Variants in ZBTB20 observed in about 807,000 individuals in gnomAD.
ZBTB20 encodes the protein zinc finger and BTB domain containing 20, also known as zinc finger and BTB domain-containing protein 20.
In ZBTB20, 9 loss-of-function variants were observed where a neutral mutation model predicts 56.9. The observed-to-expected ratio is 0.16, with a 90% CI of 0.10 to 0.28. The LOEUF (loss-of-function observed/expected upper bound fraction) is 0.28, where lower values mean the gene tolerates loss of function less well. Ranked by LOEUF, ZBTB20 falls within the 10% of genes least tolerant of loss-of-function variation. The probability of loss-of-function intolerance (pLI) is 1.00; values close to 1 mark genes in which losing one functional copy is unlikely to be tolerated. For missense variants in ZBTB20, 655 were observed against 1,003.0 expected (o/e 0.65, Z 4.69); for synonymous variants, 417 against 420.7 (o/e 0.99, Z 0.11).
intron 2 of ZBTB20, among the ~76,000 whole-genome samples, chr3:114,989,128 G>C (rs562764715): frequency 4.6e-5 from 7 of 152,172 alleles, no homozygotes; most frequent in African/African-American, 1.7e-4. Context: ...TGTTAATTTT[G>C]GCTTTTGTTG....
At chr3:115,107,496 A>G (rs908724755) in intron 1 of ZBTB20, among the ~76,000 whole-genome samples, 1 of 152,202 alleles carries the variant, frequency 6.6e-6, no homozygotes, top group Non-Finnish European at 1.5e-5. Context: ...AAAAGTCAAG[A>G]AACAACAGAT....
In ZBTB20 at chr3:114,940,484, T is replaced by C. The variant is rs1409028425; in HGVS notation, c.-456+33882A>G. Reference sequence around the variant, plus strand: ...TATTTACTTAAAAGAACTAGTTTCATAGATTGCTGTCATGCACCCTAATTA... The same window carrying C: ...TATTTACTTAAAAGAACTAGTTTCACAGATTGCTGTCATGCACCCTAATTA... On this transcript the variant is annotated intron_variant, in intron 3 of 11. Coordinates refer to ENST00000675478, the MANE Select transcript of ZBTB20 (RefSeq NM_001348800.3). Among the ~76,000 whole-genome samples the C allele has an allele frequency of 2.1e-5, 3 of 145,706 alleles. 1 individual carries two copies. Among genetic ancestry groups the C allele is most frequent in the African/African-American group, 8.4e-5 (3 of 35,548 alleles).
At chr3:114,976,626 CAA>C (rs759709889) in intron 2 of ZBTB20, among the ~76,000 whole-genome samples, 6 of 105,648 alleles carry the variant, frequency 5.7e-5, no homozygotes, top group Admixed American at 9.8e-5. Context: ...AACTCCGCCT[CAA>C]AAAAAAAAAA....
chr3:115,050,222 C>T (rs1001689082), intron 2 of ZBTB20, among the ~76,000 whole-genome samples: 1 of 151,400 alleles, frequency 6.6e-6, no homozygotes, highest in East Asian at 1.9e-4. Flanking sequence ...ATGTATGTGA[C>T]GAATATGAAT....
intron 4 of ZBTB20, among the ~76,000 whole-genome samples, chr3:114,889,857 A>G (rs952214076): frequency 5.3e-5 from 8 of 152,156 alleles, no homozygotes; most frequent in African/African-American, 1.9e-4. Flanking sequence ...GGTAGAAAAA[A>G]AAGGATCTAT....
intron 2 of ZBTB20, among the ~76,000 whole-genome samples, chr3:115,024,430 A>T (rs905870945): frequency 6.0e-5 from 9 of 150,966 alleles, no homozygotes; most frequent in Non-Finnish European, 1.0e-4. Flanking sequence ...GTACTCAGAG[A>T]CCTCTACGTT....
intron 4 of ZBTB20, among the ~76,000 whole-genome samples, chr3:114,855,163 G>A (rs2075187846): frequency 6.6e-6 from 1 of 152,156 alleles, no homozygotes; most frequent in African/African-American, 2.4e-5. Context: ...TATCCACTCT[G>A]CCTTAGCTTA....
chr3:114,769,456 C>T (rs2069022371), intron 5 of ZBTB20, among the ~76,000 whole-genome samples: 1 of 149,618 alleles, frequency 6.7e-6, no homozygotes, highest in Non-Finnish European at 1.5e-5. Flanking sequence ...GCATATGTAT[C>T]TATTTGCACC....
chr3:114,839,412 A>G (rs1176886745), intron 4 of ZBTB20, among the ~76,000 whole-genome samples: 1 of 139,656 alleles, frequency 7.2e-6, no homozygotes, highest in East Asian at 2.1e-4. Flanking sequence ...TGTCTGAAAG[A>G]AAGAAAGAAA....
intron 6 of ZBTB20, among the ~76,000 whole-genome samples, chr3:114,659,313 A>G (rs2060589781): frequency 1.3e-5 from 2 of 152,144 alleles, no homozygotes; most frequent in Non-Finnish European, 2.9e-5. Flanking sequence ...TGTACACATT[A>G]GGTAATATTT....
rs191318896 is a variant in ZBTB20 at position 114,548,755 on chromosome 3, G to C, written c.-294-48364C>G. Among the ~76,000 whole-genome samples the C allele has an allele frequency of 2.6e-3, 395 of 152,246 alleles. 1 individual carries two copies. Among genetic ancestry groups the C allele is most frequent in the Middle Eastern group, 0.014 (4 of 294 alleles). ...GCTGGTCTCAAATGCCTGGCCTCAA[G>C]TGATCCACCTGCCTCAGCCTCCTAA... On this transcript the variant is annotated intron_variant, in intron 6 of 11. Transcript: ENST00000675478.
intron 6 of ZBTB20, among the ~76,000 whole-genome samples, chr3:114,563,745 C>A (rs1445170110): frequency 6.6e-6 from 1 of 152,142 alleles, no homozygotes; most frequent in South Asian, 2.1e-4. Flanking sequence ...CATATCATAG[C>A]AGGTATACCT....
chr3:115,123,343 T>G (rs562557038), intron 1 of ZBTB20, among the ~76,000 whole-genome samples: 1 of 152,312 alleles, frequency 6.6e-6, no homozygotes, highest in South Asian at 2.1e-4. Flanking sequence ...TTGAAGATGT[T>G]CTAATGTATG....
chr3:114,371,414 G>A (rs755661169), intron 10 of ZBTB20, among the ~76,000 whole-genome samples: 19 of 152,148 alleles, frequency 1.2e-4, no homozygotes, highest in Non-Finnish European at 2.2e-4. Context: ...ATACATACTT[G>A]CTGAGTGAGT....
chr3:114,915,443 A>G (rs1175221956), intron 3 of ZBTB20, among the ~76,000 whole-genome samples: 2 of 151,592 alleles, frequency 1.3e-5, no homozygotes, highest in African/African-American at 2.4e-5. Flanking sequence ...TTTTGATTTT[A>G]TTTATTTGGG....
intron 3 of ZBTB20, among the ~76,000 whole-genome samples, chr3:114,972,554 T>C (rs1350801061): frequency 6.6e-6 from 1 of 152,156 alleles, no homozygotes; most frequent in Non-Finnish European, 1.5e-5. Context: ...TTTCATATTA[T>C]TTGGTTTTTT....
At chr3:114,480,895 G>A (rs1384176099) in intron 7 of ZBTB20, among the ~76,000 whole-genome samples, 1 of 151,794 alleles carries the variant, frequency 6.6e-6, no homozygotes, top group Non-Finnish European at 1.5e-5. Flanking sequence ...TCAAACAATG[G>A]AAAGAACAAC....
At chr3:115,010,163 G>T (rs2079639054) in intron 2 of ZBTB20, among the ~76,000 whole-genome samples, 1 of 151,864 alleles carries the variant, frequency 6.6e-6, no homozygotes, top group Admixed American at 6.6e-5. Context: ...GCTACAGATG[G>T]TACTTCTGGA....
At chr3:115,130,017 C>A (rs1003617977) in intron 1 of ZBTB20, among the ~76,000 whole-genome samples, 2 of 152,092 alleles carry the variant, frequency 1.3e-5, no homozygotes, top group Admixed American at 6.5e-5. Context: ...GTAAAAAATG[C>A]CTTCAGATTT....
Sources: gnomAD v4.1 joint callset for allele counts (sites outside exome capture counted in the v4.1 genomes callset) on GRCh38, gnomAD v4.1.1 for gene constraint, MANE v1.5 for transcripts, NCBI Gene and HGNC (gene_info 2026-07-23, HGNC 2026-07-21) for gene names.